Variants in RNLS observed in about 807,000 individuals in gnomAD.
RNLS encodes renalase, FAD dependent amine oxidase, also known as renalase.
Under a neutral mutation model 39.8 loss-of-function variants are expected in RNLS, and 39 were observed. That is an observed-to-expected ratio of 0.98 (90% CI 0.76 to 1.28). The LOEUF is 1.28. RNLS is among the 50% of genes most tolerant of loss of function. The pLI, the probability that RNLS is intolerant of heterozygous loss-of-function variation, is 0.00. For missense variants in RNLS, 410 were observed against 413.3 expected, an observed-to-expected ratio of 0.99 and a Z score of 0.07; for synonymous variants, 147 against 150.7, an observed-to-expected ratio of 0.98 and a Z score of 0.18.
intron 4 of RNLS, among the ~76,000 whole-genome samples, chr10:88,368,250 C>T (rs1431663681): frequency 2.6e-5 from 4 of 151,728 alleles, no homozygotes; most frequent in African/African-American, 9.7e-5. Context: ...TCCCCTCATC[C>T]ACCCTAATTT....
chr10:88,497,077 C>G (rs1169137301), intron 4 of RNLS, among the ~76,000 whole-genome samples: 2 of 151,948 alleles, frequency 1.3e-5, no homozygotes, highest in Non-Finnish European at 2.9e-5. Context: ...TTGCTAGTAG[C>G]ATCAGAGGTA....
the RNLS span, among the ~76,000 whole-genome samples, chr10:88,233,076 C>T: frequency 6.6e-6 from 1 of 152,154 alleles, no homozygotes; most frequent in African/African-American, 2.4e-5. Flanking sequence ...AACTGGAGTT[C>T]CAAATCAGGT....
the RNLS span, among the ~76,000 whole-genome samples, chr10:88,256,922 T>G: frequency 6.6e-6 from 1 of 152,170 alleles, no homozygotes; most frequent in East Asian, 1.9e-4. Flanking sequence ...AAAATTATCC[T>G]AAAATCTTTG....
intron 4 of RNLS, among the ~76,000 whole-genome samples, chr10:88,567,630 G>A (rs1266053402): frequency 6.6e-6 from 1 of 152,168 alleles, no homozygotes; most frequent in African/African-American, 2.4e-5. Context: ...GATTCATGAA[G>A]AGATCATTCA....
At chr10:88,577,056 C>A (rs537400463) in intron 3 of RNLS, among the ~76,000 whole-genome samples, 3 of 152,186 alleles carry the variant, frequency 2.0e-5, no homozygotes, top group Non-Finnish European at 2.9e-5. Context: ...AAGGACCTGG[C>A]CCATCATTTT....
chr10:88,290,395 T>C (rs1843585944), intron 6 of RNLS, among the ~76,000 whole-genome samples: 1 of 152,208 alleles, frequency 6.6e-6, no homozygotes. Flanking sequence ...ATTCTAATTC[T>C]AGATATGAAA....
intron 5 of RNLS, among the ~76,000 whole-genome samples, chr10:88,344,969 T>C (rs1188705161): frequency 2.6e-5 from 4 of 152,122 alleles, no homozygotes; most frequent in Non-Finnish European, 5.9e-5. Context: ...TCTCATTATA[T>C]AAATGAGCAC....
intron 4 of RNLS, among the ~76,000 whole-genome samples, chr10:88,391,707 A>G (rs1245392173): frequency 1.3e-5 from 2 of 152,236 alleles, no homozygotes; most frequent in Admixed American, 6.5e-5. Context: ...CCTCTCCTCC[A>G]TACAAGCAAT....
chr10:88,205,008 A>G, the RNLS span, among the ~76,000 whole-genome samples: 1 of 152,136 alleles, frequency 6.6e-6, no homozygotes, highest in African/African-American at 2.4e-5. Context: ...AGAGATGCAT[A>G]AGAAGCCATG....
intron 4 of RNLS, among the ~76,000 whole-genome samples, chr10:88,543,547 T>C (rs887848777): frequency 2.0e-5 from 3 of 152,038 alleles, no homozygotes; most frequent in Non-Finnish European, 4.4e-5. Context: ...AAAAGACACA[T>C]AGGAAATGAA....
intron 5 of RNLS, among the ~76,000 whole-genome samples, chr10:88,338,758 CTTT>C (rs36061512): frequency 1.8e-5 from 2 of 112,494 alleles, no homozygotes; most frequent in Non-Finnish European, 1.8e-5. Context: ...GCTAGATTTC[CTTT>C]TTTTTTTTTT....
chr10:88,299,040 T>A (rs909685282), intron 6 of RNLS, among the ~76,000 whole-genome samples: 2 of 152,218 alleles, frequency 1.3e-5, no homozygotes, highest in Admixed American at 1.3e-4. Flanking sequence ...CATAGTAAAT[T>A]CACATCTCTT....
chr10:88,377,804 T>TAAC (rs367792416), intron 4 of RNLS, among the ~76,000 whole-genome samples: 34 of 152,328 alleles, frequency 2.2e-4, no homozygotes, highest in African/African-American at 7.7e-4. Flanking sequence ...AAATTTATTT[T>TAAC]AACAAATTTT....
At chr10:88,201,348 A>G in the RNLS span, among the ~76,000 whole-genome samples, 10 of 152,156 alleles carry the variant, frequency 6.6e-5, no homozygotes, top group Non-Finnish European at 1.0e-4. Context: ...ATTTTGATGA[A>G]CAGAAGAGAG....
chr10:88,564,957 C>T (rs892207072), intron 4 of RNLS, among the ~76,000 whole-genome samples: 1 of 152,026 alleles, frequency 6.6e-6, no homozygotes, highest in Non-Finnish European at 1.5e-5. Context: ...AGATATGATA[C>T]TTATGTTAAT....
chr10:88,505,969 T>A (rs1845765703), intron 4 of RNLS, among the ~76,000 whole-genome samples: 3 of 152,102 alleles, frequency 2.0e-5, no homozygotes, highest in Admixed American at 2.0e-4. Flanking sequence ...TGTGAACTTG[T>A]TAGAAATTCA....
chr10:88,251,893 T>C, the RNLS span, among the ~76,000 whole-genome samples: 1 of 152,204 alleles, frequency 6.6e-6, no homozygotes, highest in African/African-American at 2.4e-5. Flanking sequence ...AGCTAAGCTT[T>C]TCCCTGGCCT....
At chr10:88,382,764 A>ATTAT (rs1465009895) in intron 4 of RNLS, among the ~76,000 whole-genome samples, 1 of 152,060 alleles carries the variant, frequency 6.6e-6, no homozygotes. Flanking sequence ...CCACTCAGTT[A>ATTAT]TTATTTATTT....
intron 4 of RNLS, among the ~76,000 whole-genome samples, chr10:88,497,613 A>C (rs1845243177): frequency 6.6e-6 from 1 of 152,160 alleles, no homozygotes; most frequent in African/African-American, 2.4e-5. Flanking sequence ...GCCTAAACTT[A>C]AGAAATAGAA....
Sources: gnomAD v4.1 joint callset for allele counts (sites outside exome capture counted in the v4.1 genomes callset) on GRCh38, gnomAD v4.1.1 for gene constraint, MANE v1.5 for transcripts, NCBI Gene and HGNC (gene_info 2026-07-23, HGNC 2026-07-21) for gene names.